Variants in KCNU1 observed in about 807,000 individuals in gnomAD.
The protein encoded by KCNU1 is potassium channel subfamily U member 1.
In KCNU1, 93 loss-of-function variants were observed where a neutral mutation model predicts 126.8. The ratio of observed to expected loss-of-function variants is 0.73; its 90% CI spans 0.62 to 0.87. The LOEUF (loss-of-function observed/expected upper bound fraction) is 0.87, where lower values mean the gene tolerates loss of function less well. Among genes scored for constraint, KCNU1 ranks in the 40% least tolerant of loss-of-function variants. The pLI, the probability that KCNU1 is intolerant of heterozygous loss-of-function variation, is 0.00. For missense variants in KCNU1, 1,330 were observed against 1,367.1 expected (o/e 0.97, Z 0.43); for synonymous variants, 523 against 494.2 (o/e 1.06, Z -0.77).
chr8:36,842,696 G>A (rs929423975), intron 16 of KCNU1, among the ~76,000 whole-genome samples: 2 of 152,156 alleles, frequency 1.3e-5, no homozygotes, highest in African/African-American at 4.8e-5. Context: ...TTGAGACGGA[G>A]TTTCACTCTT....
At chr8:36,847,413 T>C (rs1245718074) in intron 18 of KCNU1, among the ~76,000 whole-genome samples, 1 of 152,172 alleles carries the variant, frequency 6.6e-6, no homozygotes, top group East Asian at 1.9e-4. Context: ...TACAATAAAT[T>C]ATATTTAACG....
chr8:36,918,613 T>C (rs949102956), intron 22 of KCNU1, among the ~76,000 whole-genome samples: 4 of 150,292 alleles, frequency 2.7e-5, no homozygotes, highest in African/African-American at 4.9e-5. Flanking sequence ...CACACACACA[T>C]ACACACTCCC....
rs757280974 is a variant in KCNU1, at chr8:36,784,541, T to A, written c.131T>A (p.Ile44Asn). 1 of 1,613,966 alleles carries A rather than the reference T, an allele frequency of 6.2e-7. No individual in the cohort carries two copies. Among genetic ancestry groups the A allele is most frequent in the South Asian group, 1.1e-5 (1 of 91,086 alleles). Residue 44 changes from isoleucine to asparagine, a missense_variant, in exon 1 of 27, where the codon ATC (isoleucine) becomes AAC (asparagine). By Grantham distance (149) the Ile-to-Asn change is moderately radical (BLOSUM62 -3). Transcript: ENST00000399881. Reference protein sequence around the residue: ...TFFSGLIILLIFRLIWRSVKK... With the variant: ...TFFSGLIILLNFRLIWRSVKK... ...TTCAGTGGACTCATCATCCTGTTGA[T>A]CTTCAGGCTGATCTGGAGATCTGTT...
intron 18 of KCNU1, among the ~76,000 whole-genome samples, chr8:36,860,943 T>G (rs1480451356): frequency 6.6e-6 from 1 of 151,770 alleles, no homozygotes; most frequent in Admixed American, 6.6e-5. Context: ...TTCCAGACTA[T>G]TAATTGACCT....
At chr8:36,836,486 G>A (rs1303765665) in intron 13 of KCNU1, 121 bp downstream of exon 13, 24 of 682,588 alleles carry the variant, frequency 3.5e-5, no homozygotes, top group Non-Finnish European at 5.7e-5. Context: ...AAAATTTGGA[G>A]TCTTATTAAG....
At chr8:36,798,471 A>T (rs1180613254) in intron 2 of KCNU1, among the ~76,000 whole-genome samples, 1 of 152,204 alleles carries the variant, frequency 6.6e-6, no homozygotes, top group African/African-American at 2.4e-5. Context: ...ATCTCTATTA[A>T]CATAGCTAGA....
At position 36,919,721 on chromosome 8, in the gene KCNU1, A is replaced by G. The variant is rs191180413; in HGVS notation, c.2596+824A>G. ...TTGAACCAATTCAGAGATGATCTCT[A>G]AAAACTGGTCCTGGCTGTGACTTGA... On this transcript the variant is annotated intron_variant, in intron 23 of 26. Coordinates refer to ENST00000399881, the MANE Select transcript of KCNU1 (RefSeq NM_001031836.3). 2.0e-5 allele frequency among the ~76,000 whole-genome samples: 3 copies of G among 152,334 alleles called. No homozygotes were observed. In the East Asian group the frequency reaches 5.8e-4, roughly 29 times the overall value.
At chr8:36,855,611 T>C (rs1345561716) in intron 18 of KCNU1, among the ~76,000 whole-genome samples, 1 of 152,180 alleles carries the variant, frequency 6.6e-6, no homozygotes, top group Non-Finnish European at 1.5e-5. Flanking sequence ...CTCTTACTGC[T>C]ATCTATTTAT....
intron 10 of KCNU1, among the ~76,000 whole-genome samples, chr8:36,819,149 A>T (rs965021122): frequency 3.3e-5 from 5 of 152,052 alleles, no homozygotes; most frequent in Admixed American, 2.6e-4. Context: ...TGTTACTTTC[A>T]TCTATACTCC....
intron 19 of KCNU1, among the ~76,000 whole-genome samples, chr8:36,871,731 G>T (rs181893004): frequency 1.3e-5 from 2 of 152,092 alleles, no homozygotes; most frequent in African/African-American, 4.8e-5. Flanking sequence ...AAATTGATTT[G>T]GCTGGGTGCT....
chr8:36,841,452 G>C (rs1804954093), intron 16 of KCNU1, among the ~76,000 whole-genome samples: 1 of 152,166 alleles, frequency 6.6e-6, no homozygotes, highest in African/African-American at 2.4e-5. Context: ...AGCACTTTGA[G>C]AGTTTGAGGC....
chr8:36,920,643 G>T (rs182863907), intron 23 of KCNU1, among the ~76,000 whole-genome samples: 339 of 152,260 alleles, frequency 2.2e-3, no homozygotes, highest in African/African-American at 7.9e-3. Flanking sequence ...GAAGGAAATG[G>T]CCAGGAAAGC....
In KCNU1 at chr8:36,817,693, G is replaced by T; in HGVS notation, c.1039G>T (p.Ala347Ser). ...AAACATCACTGTGGACAGTGTGACCGCTTTCCTGAGGAATTTCCTCCGCGA... is the reference window on the plus strand; with the variant it reads ...AAACATCACTGTGGACAGTGTGACCTCTTTCCTGAGGAATTTCCTCCGCGA... ...CGNITVDSVT[A>S]FLRNFLRDKS... Residue 347 changes from alanine to serine, a missense_variant, in exon 10 of 27, where the codon GCT becomes TCT. Physicochemically the swap from Ala to Ser is moderately conservative, Grantham distance 99. Coordinates refer to ENST00000399881, the MANE Select transcript of KCNU1 (RefSeq NM_001031836.3). 1.2e-6 allele frequency: 2 copies of T among 1,612,638 alleles called. No homozygotes were observed. Among genetic ancestry groups the T allele is most frequent in the South Asian group, 2.2e-5 (2 of 91,052 alleles).
rs747479011 is a variant in KCNU1 at position 36,909,389 on chromosome 8, A to G, written c.2185A>G (p.Met729Val). 2 of 1,612,692 alleles carry G rather than the reference A, an allele frequency of 1.2e-6. No homozygotes were observed. The highest frequency in any genetic ancestry group is 4.5e-5 in the East Asian group (2 of 44,866). ...ATTTGGAGATGCCCACTCAGCCCCG[A>G]TGGGGCTTCGGAACTTTGTAATGCC... The part of the protein sequence containing the change: ...CVFGDAHSAP[M>V]GLRNFVMPLR... Residue 729 changes from methionine to valine, a missense_variant, in exon 21 of 27, where the codon ATG becomes GTG. This residue lies in a region of KCNU1 where 1,054 missense variants were observed against 1,053.9 expected (regional missense o/e 1.00). Coordinates refer to ENST00000399881, the MANE Select transcript of KCNU1 (RefSeq NM_001031836.3).
intron 19 of KCNU1, among the ~76,000 whole-genome samples, chr8:36,903,441 G>A (rs1585539134): frequency 6.6e-6 from 1 of 152,132 alleles, no homozygotes; most frequent in East Asian, 1.9e-4. Flanking sequence ...CATCTGAGAT[G>A]AGCAGGACTG....
At chr8:36,879,683 T>C (rs959333626) in intron 19 of KCNU1, among the ~76,000 whole-genome samples, 2 of 152,098 alleles carry the variant, frequency 1.3e-5, no homozygotes, top group Non-Finnish European at 2.9e-5. Context: ...CTGTGATCTG[T>C]AGGAATAAGA....
At chr8:36,884,704 TCTGGGTAACAGAGC>T (rs1806626162) in intron 19 of KCNU1, among the ~76,000 whole-genome samples, 1 of 151,756 alleles carries the variant, frequency 6.6e-6, no homozygotes, top group Non-Finnish European at 1.5e-5. Context: ...CCACTGGACT[TCTGGGTAACAGAGC>T]CTGGGTAACA....
intron 7 of KCNU1, 112 bp from the exon 8 acceptor site, chr8:36,814,095 G>T: frequency 8.1e-6 from 6 of 739,024 alleles, no homozygotes; most frequent in Non-Finnish European, 1.3e-5. Context: ...AAGCCATTTG[G>T]TATTTCATTT....
At chr8:36,790,470 A>G (rs1802864442) in intron 2 of KCNU1, among the ~76,000 whole-genome samples, 1 of 152,022 alleles carries the variant, frequency 6.6e-6, no homozygotes. Flanking sequence ...TAGCTAGTCT[A>G]TAAAAAAGGA....
Sources: allele counts gnomAD v4.1 joint callset (sites outside exome capture counted in the v4.1 genomes callset), GRCh38; gene constraint gnomAD v4.1.1; regional missense constraint gnomAD v4.1.1; transcripts MANE v1.5; gene names NCBI Gene and HGNC (gene_info 2026-07-23, HGNC 2026-07-21).